The following DYSF variants were observed in gnomAD, a reference collection of about 807,000 sequenced individuals.
DYSF encodes the protein dysferlin, also known as dystrophy-associated fer-1-like 1.
DYSF carries 212 observed loss-of-function variants against 274.9 expected under a neutral mutation model. The ratio of observed to expected loss-of-function variants is 0.77; its 90% confidence interval spans 0.69 to 0.86. The LOEUF (loss-of-function observed/expected upper bound fraction) is 0.86. Among genes scored for constraint, DYSF ranks in the 40% least tolerant of loss-of-function variants. The pLI is 0.00. For synonymous variants in DYSF, 1,091 were observed against 1,078.7 expected, an observed-to-expected ratio of 1.01 and a Z score of -0.22; for missense variants, 2,666 against 2,783.2, an observed-to-expected ratio of 0.96 and a Z score of 0.95.
upstream of DYSF, among the ~76,000 whole-genome samples, chr2:71,464,212 A>C (rs529040855): frequency 6.6e-6 from 1 of 152,248 alleles, no homozygotes; most frequent in South Asian, 2.1e-4. Flanking sequence ...TGATGGGTGA[A>C]TGTTTATTCT....
intron 36 of DYSF, among the ~76,000 whole-genome samples, chr2:71,607,793 G>C (rs2093672833): frequency 6.6e-6 from 1 of 152,180 alleles, no homozygotes; most frequent in African/African-American, 2.4e-5. Context: ...GACTTGAAGA[G>C]AGCAGGTTCT....
At chr2:71,628,135 C>T (rs546449213) in intron 41 of DYSF, among the ~76,000 whole-genome samples, 3 of 151,840 alleles carry the variant, frequency 2.0e-5, no homozygotes, top group South Asian at 4.2e-4. Context: ...TTTTTCCATC[C>T]CTTCTCTTCT....
chr2:71,490,097 G>A (rs1438794073), intron 3 of DYSF, among the ~76,000 whole-genome samples: 1 of 151,764 alleles, frequency 6.6e-6, no homozygotes, highest in African/African-American at 2.4e-5. Flanking sequence ...TGGCCCGTAT[G>A]GACACCCGGC....
chr2:71,467,798 G>T (rs1337165981), intron 1 of DYSF, among the ~76,000 whole-genome samples: 1 of 152,170 alleles, frequency 6.6e-6, no homozygotes, highest in Non-Finnish European at 1.5e-5. Context: ...TAGCTTTGTG[G>T]AATCGATAAT....
chr2:71,653,271 A>G, intron 42 of DYSF, among the ~76,000 whole-genome samples: 1 of 152,180 alleles, frequency 6.6e-6, no homozygotes, highest in Non-Finnish European at 1.5e-5. Flanking sequence ...AGGGATCTAG[A>G]ACTAGAAATA....
chr2:71,664,363 A>G lies in DYSF; in HGVS notation c.5099A>G (p.Glu1700Gly). The G allele has an allele frequency of 6.2e-7, 1 of 1,614,206 alleles. No individual in the cohort carries two copies. Among genetic ancestry groups the G allele is most frequent in the Non-Finnish European group, 8.5e-7 (1 of 1,180,038 alleles). ...CTCTCCAAGGACGAAAAGATCGGTGAGACGGTCGTCGACCTGGAGAACAGG... is the reference window on the plus strand; with the variant it reads ...CTCTCCAAGGACGAAAAGATCGGTGGGACGGTCGTCGACCTGGAGAACAGG... Reference protein sequence around the residue: ...DLLSKDEKIGETVVDLENRLL... With the variant: ...DLLSKDEKIGGTVVDLENRLL... The change falls in exon 46 of 56, where the codon GAG becomes GGG. Residue 1700 changes from glutamate to glycine, a missense_variant. By Grantham distance (98) the Glu-to-Gly change is moderately conservative. Transcript: ENST00000410020.
chr2:71,543,156 C>T (rs1235461664), intron 17 of DYSF, among the ~76,000 whole-genome samples: 15 of 150,184 alleles, frequency 1.0e-4, no homozygotes, highest in African/African-American at 3.7e-4. Flanking sequence ...GGGTGGCTGC[C>T]GGGCGGAGGG....
intron 21 of DYSF, among the ~76,000 whole-genome samples, 176 bp downstream of exon 21, chr2:71,554,107 C>T (rs2091167127): frequency 6.6e-6 from 1 of 152,198 alleles, no homozygotes; most frequent in South Asian, 2.1e-4. Context: ...TGGTCCTGTC[C>T]TGCATGCTTG....
At chr2:71,671,892 G>A (rs372936818) in intron 51 of DYSF, among the ~76,000 whole-genome samples, 29 of 152,322 alleles carry the variant, frequency 1.9e-4, no homozygotes, top group African/African-American at 6.7e-4. Flanking sequence ...CAGGGGTCGA[G>A]GATATGGAAG....
At chr2:71,524,978 G>A (rs1305742137) in intron 12 of DYSF, among the ~76,000 whole-genome samples, 1 of 152,170 alleles carries the variant, frequency 6.6e-6, no homozygotes, top group Non-Finnish European at 1.5e-5. Context: ...GGCATCACTT[G>A]GACACTTTTT....
At chr2:71,549,429 G>A (rs1483216367) in intron 17 of DYSF, 1 of 1,604,542 alleles carries the variant, frequency 6.2e-7, no homozygotes, top group Non-Finnish European at 8.5e-7. Context: ...CAGGGGAGTG[G>A]GGCCTTGGGT....
At chr2:71,497,435 G>C (rs1559006470) in intron 3 of DYSF, among the ~76,000 whole-genome samples, 2 of 152,134 alleles carry the variant, frequency 1.3e-5, no homozygotes, top group African/African-American at 4.8e-5. Flanking sequence ...GTGATCTGAG[G>C]TTTTATAAAG....
At chr2:71,590,178 ACT>A (rs1247113548) in intron 31 of DYSF, 31 bp from the exon 32 acceptor site, 1 of 1,611,906 alleles carries the variant, frequency 6.2e-7, no homozygotes, top group Non-Finnish European at 8.5e-7. Flanking sequence ...CCAGCCACTC[ACT>A]CTGGCACCTC....
Position 71,561,810 on chromosome 2 carries a change from T to G in DYSF, c.2275T>G (p.Tyr759Asp). 6.2e-7 allele frequency: 1 copy of G among 1,614,108 alleles called. No individual in the cohort carries two copies. The highest frequency in any genetic ancestry group is 8.5e-7 in the Non-Finnish European group (1 of 1,180,014). Residue 759 changes from tyrosine to aspartate, a missense_variant, in exon 23 of 56, where the codon TAC (tyrosine) becomes GAC (aspartate). Tyr to Asp is a radical substitution (Grantham distance 160). Transcript: ENST00000410020. The part of the protein sequence containing the change: ...PSATHLDQYL[Y>D]QLRTHHLSQI... ...TGCCACCCACCTGGACCAGTACCTGTACCAGCTGCGCACCCATCACCTGAG... is the reference window on the plus strand; with the variant it reads ...TGCCACCCACCTGGACCAGTACCTGGACCAGCTGCGCACCCATCACCTGAG...
At chr2:71,551,512 T>C in intron 18 of DYSF, 95 bp from the exon 19 acceptor site, 1 of 1,090,772 alleles carries the variant, frequency 9.2e-7, no homozygotes, top group Non-Finnish European at 1.4e-6. Context: ...CCTGGGTGCC[T>C]GAGAGATGAG....
chr2:71,596,064 A>T (rs2093399497), intron 32 of DYSF, among the ~76,000 whole-genome samples: 1 of 148,676 alleles, frequency 6.7e-6, no homozygotes, highest in Non-Finnish European at 1.5e-5. Flanking sequence ...CCCTGCACAC[A>T]GTAGCCCAGT....
Position 71,658,971 on chromosome 2 carries a change from T to G in DYSF, c.4849T>G (p.Cys1617Gly). ...HQLAAQGPQE[C>G]LVRIYIVRAF... ...GCTGGCCGCCCAGGGACCCCAGGAG[T>G]GCTTGGTCCGTATCTACATTGTCCG... The change falls in exon 44 of 56, where the codon TGC (cysteine) becomes GGC (glycine). Residue 1617 changes from cysteine (C) to glycine (G), a missense_variant. Transcript: ENST00000410020. The G allele has an allele frequency of 6.2e-7, 1 of 1,613,420 alleles. No homozygotes were observed. Among genetic ancestry groups the G allele is most frequent in the Non-Finnish European group, 8.5e-7 (1 of 1,179,826 alleles).
At chr2:71,679,941 C>T (rs1186961340) in intron 53 of DYSF, among the ~76,000 whole-genome samples, 1 of 152,160 alleles carries the variant, frequency 6.6e-6, no homozygotes, top group East Asian at 1.9e-4. Flanking sequence ...TACAGTAGTC[C>T]CCCCCTTATC....
intron 11 of DYSF, among the ~76,000 whole-genome samples, chr2:71,520,412 C>T (rs1029730281): frequency 6.6e-6 from 1 of 152,178 alleles, no homozygotes; most frequent in Admixed American, 6.5e-5. Context: ...TCTCCGTTGG[C>T]CCATTCAGGG....
Sources: allele counts gnomAD v4.1 joint callset (sites outside exome capture counted in the v4.1 genomes callset), GRCh38; gene constraint gnomAD v4.1.1; transcripts MANE v1.5; gene names NCBI Gene and HGNC (gene_info 2026-07-23, HGNC 2026-07-21).